Variants in PTPRS observed in about 807,000 individuals in gnomAD.
The protein encoded by PTPRS is receptor-type tyrosine-protein phosphatase S.
A neutral mutation model predicts 215.3 loss-of-function variants in PTPRS; 63 were observed. The ratio of observed to expected loss-of-function variants is 0.29; its 90% confidence interval spans 0.24 to 0.36. The LOEUF (loss-of-function observed/expected upper bound fraction) is 0.36. Ranked by LOEUF, PTPRS falls within the 10% of genes least tolerant of loss-of-function variation. The pLI, the probability that PTPRS is intolerant of heterozygous loss-of-function variation, is 1.00. For synonymous variants in PTPRS, 1,404 were observed against 1,191.4 expected (o/e 1.18, Z -3.68); for missense variants, 2,258 against 2,825.8 (o/e 0.80, Z 4.56).
chr19:5,207,043 A>G lies in PTPRS; in HGVS notation c.5779-201T>C, dbSNP rs1326161925. Among the ~76,000 whole-genome samples, 7 of 152,130 alleles carry G rather than the reference A, an allele frequency of 4.6e-5. No homozygotes were observed. The East Asian group carries it at 1.4e-3, about 29-fold the overall frequency. On this transcript the variant is annotated intron_variant, in intron 37 of 37. Transcript: ENST00000262963. Reference sequence around the variant, plus strand: ...TAACACAGCCAGGCTCTTCACCCGGAACGCCCTCTCCTCCCGTCTGCCTGG... The same window carrying G: ...TAACACAGCCAGGCTCTTCACCCGGGACGCCCTCTCCTCCCGTCTGCCTGG...
At chr19:5,322,711 C>T (rs1471552526) in intron 1 of PTPRS, among the ~76,000 whole-genome samples, 1 of 151,140 alleles carries the variant, frequency 6.6e-6, no homozygotes, top group Non-Finnish European at 1.5e-5. Flanking sequence ...GAAACCCTGC[C>T]TCTACTAAAA....
chr19:5,238,527 C>A (rs138661205), intron 13 of PTPRS, among the ~76,000 whole-genome samples: 1 of 152,170 alleles, frequency 6.6e-6, no homozygotes, highest in African/African-American at 2.4e-5. Flanking sequence ...CACAGCCTCA[C>A]GGTACCCTCA....
intron 9 of PTPRS, among the ~76,000 whole-genome samples, chr19:5,252,431 T>C (rs1182992007): frequency 2.7e-5 from 4 of 150,730 alleles, no homozygotes; most frequent in Non-Finnish European, 5.9e-5. Flanking sequence ...ACAAAAATTA[T>C]CTGAGCGTGG....
rs760321835 is a variant in PTPRS at position 5,287,755 on chromosome 19, C to T, written c.-94-1521G>A. On this transcript the variant is annotated intron_variant, in intron 1 of 37. Coordinates refer to ENST00000262963, the MANE Select transcript of PTPRS (RefSeq NM_002850.4). The surrounding 1 kb of genome is among the most constrained non-coding windows in gnomAD (Gnocchi z 4.8). ...ACAGCCTAGGGTGACGAACGGGATT[C>T]GGGGGGCCTCAGTGTACATAGTTAG... 4.1e-4 allele frequency among the ~76,000 whole-genome samples: 62 copies of T among 152,210 alleles called. No individual in the cohort carries two copies. Among genetic ancestry groups the T allele is most frequent in the Non-Finnish European group, 7.1e-4 (48 of 67,998 alleles).
At chr19:5,218,273 G>C (rs2041665801) in intron 25 of PTPRS, 147 bp downstream of exon 25, 2 of 706,992 alleles carry the variant, frequency 2.8e-6, no homozygotes. Flanking sequence ...TCCATGTAGG[G>C]TTGGAGGTAT....
rs1387246320 is a variant in PTPRS at position 5,244,093 on chromosome 19, A to G, written c.1378T>C (p.Tyr460His). ...GGTTCCATGGTGTAGTAGACGCGGTAGCCGCGGATCAGGCCGTTGGGCTCC... is the reference window on the plus strand; with the variant it reads ...GGTTCCATGGTGTAGTAGACGCGGTGGCCGCGGATCAGGCCGTTGGGCTCC... ...PVEPNGLIRG[Y>H]RVYYTMEPEH... The change falls in exon 11 of 38, where the codon TAC becomes CAC. Residue 460 changes from tyrosine (Y) to histidine (H), a missense_variant. Tyr to His is a moderately conservative substitution (Grantham distance 83). Around this residue, in one of 6 missense-constraint regions of PTPRS, gnomAD observed 508 missense variants for 799.4 expected, o/e 0.64. Transcript: ENST00000262963. The surrounding 1 kb of genome is among the most constrained non-coding windows in gnomAD (Gnocchi z 7.2). 1 of 1,610,038 alleles carries G rather than the reference A, an allele frequency of 6.2e-7. No homozygotes were observed.
intron 16 of PTPRS, among the ~76,000 whole-genome samples, chr19:5,226,136 A>G (rs1252523928): frequency 6.6e-6 from 1 of 152,166 alleles, no homozygotes; most frequent in African/African-American, 2.4e-5. Flanking sequence ...TCCCCACAGC[A>G]GCCAGAGGGC....
chr19:5,251,341 C>CCTGGCTGGCTCCCTG (rs994314858), intron 9 of PTPRS, among the ~76,000 whole-genome samples: 1 of 151,908 alleles, frequency 6.6e-6, no homozygotes, highest in Non-Finnish European at 1.5e-5. Flanking sequence ...CCCGGAGGGA[C>CCTGGCTGGCTCCCTG]CTGGCTGGCT....
At position 5,293,201 on chromosome 19, in the gene PTPRS, C is replaced by G. The variant is rs1467456821; in HGVS notation, c.-94-6967G>C. ...GCCTCCACAGGGCCCGCCGCAGCCG[C>G]TCCCCGCGTCCCTCGGTCCGCCCGG... is the stretch of plus-strand genomic sequence containing the variant. On this transcript the variant is annotated intron_variant, in intron 1 of 37. Transcript: ENST00000262963. This position sits in a 1 kb window ranked among gnomAD's most constrained non-coding sequence, Gnocchi z 8.4. The G allele has an allele frequency of 6.6e-6, 1 of 151,758 alleles. No individual in the cohort carries two copies. The highest frequency in any genetic ancestry group is 1.5e-5 in the Non-Finnish European group (1 of 67,786). The allele number at this position is 151,758 out of a possible 1,614,324, so 9.4% of individuals were successfully genotyped here. A position where few individuals can be genotyped will look rare whatever the true frequency, so the allele number is the denominator to read the frequency against.
At chr19:5,331,749 G>A (rs1046099329) in intron 1 of PTPRS, among the ~76,000 whole-genome samples, 2 of 152,188 alleles carry the variant, frequency 1.3e-5, no homozygotes, top group African/African-American at 2.4e-5. Context: ...AGGTCCTGCC[G>A]CCAGTAGATA....
chr19:5,296,333 T>C (rs758585249), intron 1 of PTPRS, among the ~76,000 whole-genome samples: 1 of 151,952 alleles, frequency 6.6e-6, no homozygotes, highest in East Asian at 1.9e-4. Flanking sequence ...CCATCATCTC[T>C]ACAAAAACTT....
At position 5,257,889 on chromosome 19, in the gene PTPRS, C is replaced by T. The variant is rs1365744747; in HGVS notation, c.706+128G>A. 2.6e-5 allele frequency: 20 copies of T among 757,818 alleles called. No homozygotes were observed. The highest frequency in any genetic ancestry group is 1.0e-4 in the East Asian group (4 of 38,930). The allele number at this position is 757,818 out of a possible 1,614,324, so 46.9% of individuals were successfully genotyped here. ...CGCCGCCTCGGCCAAGGTCCCACCGCGACCGGGGAGGGGCCTTCCTGCTTG... is the reference window on the plus strand; with the variant it reads ...CGCCGCCTCGGCCAAGGTCCCACCGTGACCGGGGAGGGGCCTTCCTGCTTG... On this transcript the variant is annotated intron_variant, in intron 8 of 37. Coordinates refer to ENST00000262963, the MANE Select transcript of PTPRS (RefSeq NM_002850.4). The surrounding 1 kb of genome is among the most constrained non-coding windows in gnomAD (Gnocchi z 4.4).
chr19:5,215,542 G>C lies in PTPRS; in HGVS notation c.4150C>G (p.Arg1384Gly). 1 of 1,611,780 alleles carries C rather than the reference G, an allele frequency of 6.2e-7. No homozygotes were observed. Among genetic ancestry groups the C allele is most frequent in the Non-Finnish European group, 8.5e-7 (1 of 1,178,578 alleles). ...TTGAGGCTGTCGTTGGCCTTGAGCC[G>C]CTCCGTGTGCTCCGCCATGTCTGCG... The part of the protein sequence containing the change: ...PIADMAEHTE[R>G]LKANDSLKLS... The change falls in exon 27 of 38, where the codon CGG (arginine) becomes GGG (glycine). Residue 1384 changes from arginine (R) to glycine (G), a missense_variant. By Grantham distance (125) the Arg-to-Gly change is moderately radical. Around this residue, in one of 6 missense-constraint regions of PTPRS, gnomAD observed 927 missense variants for 1,125.9 expected, o/e 0.82. Coordinates refer to ENST00000262963, the MANE Select transcript of PTPRS (RefSeq NM_002850.4).
chr19:5,266,031 A>G (rs1329526359), intron 4 of PTPRS, among the ~76,000 whole-genome samples: 1 of 152,142 alleles, frequency 6.6e-6, no homozygotes, highest in East Asian at 1.9e-4. Flanking sequence ...AGGCCGAGAC[A>G]GGTGGATCAC....
chr19:5,268,187 A>AAATT (rs201662444), intron 4 of PTPRS, among the ~76,000 whole-genome samples: 1 of 150,158 alleles, frequency 6.7e-6, no homozygotes, highest in African/African-American at 2.5e-5. Context: ...ATAAATAAAT[A>AAATT]AATTAATTAA....
At chr19:5,235,541 T>C (rs2043371402) in intron 13 of PTPRS, among the ~76,000 whole-genome samples, 1 of 152,228 alleles carries the variant, frequency 6.6e-6, no homozygotes, top group African/African-American at 2.4e-5. Flanking sequence ...CACCTCTTTA[T>C]AGCAAGTGCC....
intron 4 of PTPRS, 73 bp downstream of exon 4, chr19:5,273,369 T>C (rs2047084362): frequency 6.2e-7 from 1 of 1,605,408 alleles, no homozygotes; most frequent in Non-Finnish European, 8.5e-7. Flanking sequence ...GTAACTTTCA[T>C]GTATTCCTTT....
At chr19:5,314,779 T>C (rs569506133) in intron 1 of PTPRS, among the ~76,000 whole-genome samples, 46 of 143,654 alleles carry the variant, frequency 3.2e-4, no homozygotes, top group African/African-American at 1.2e-3. Flanking sequence ...GGCAGAGAGC[T>C]GAAGATTCGA....
In PTPRS at chr19:5,207,994, A is replaced by G. The variant is rs1266169266; in HGVS notation, c.5706T>C (p.Tyr1902=). The stretch of plus-strand genomic sequence containing the variant: ...TCTGAAAGATGTCCACCACGCCTTC[A>G]TACCGCATCCGCTCCAGCACGATGC... The part of the protein sequence containing the change: ...TLSIVLERMR[Y]EGVVDIFQTV... Residue 1902 remains tyrosine, a synonymous_variant, in exon 37 of 38, where the codon TAT becomes TAC. Coordinates refer to ENST00000262963, the MANE Select transcript of PTPRS (RefSeq NM_002850.4). The G allele has an allele frequency of 6.2e-7, 1 of 1,614,136 alleles. No homozygotes were observed. The highest frequency in any genetic ancestry group is 1.1e-5 in the South Asian group (1 of 91,088).
Sources: gnomAD v4.1 joint callset for allele counts (sites outside exome capture counted in the v4.1 genomes callset) on GRCh38, gnomAD v4.1.1 for gene constraint, gnomAD v4.1.1 regional missense constraint, Gnocchi (gnomAD v3.1) non-coding constraint, MANE v1.5 for transcripts, NCBI Gene and HGNC (gene_info 2026-07-23, HGNC 2026-07-21) for gene names.